ATP6V0A4: variants seen among roughly 807,000 people sequenced by gnomAD.
ATP6V0A4 encodes the protein V-type proton ATPase 116 kDa subunit a 4.
Under a neutral mutation model 107.3 loss-of-function variants are expected in ATP6V0A4, and 86 were observed. That is an observed-to-expected ratio of 0.80 (90% CI 0.67 to 0.96). ATP6V0A4 has a LOEUF of 0.96. Ranked by LOEUF, ATP6V0A4 falls within the 40% of genes least tolerant of loss-of-function variation. The pLI is 0.00. For missense variants in ATP6V0A4, 908 were observed against 1,045.6 expected, an observed-to-expected ratio of 0.87 and a Z score of 1.81; for synonymous variants, 353 against 381.4, an observed-to-expected ratio of 0.93 and a Z score of 0.87.
At chr7:138,796,787 C>G (rs1808687863) in intron 1 of ATP6V0A4, among the ~76,000 whole-genome samples, 1 of 125,236 alleles carries the variant, frequency 8.0e-6, no homozygotes, top group South Asian at 2.4e-4. Flanking sequence ...GGTTTGGTTC[C>G]CTGCTGCACT....
chr7:138,759,680 G>A, intron 8 of ATP6V0A4, 72 bp downstream of exon 8: 1 of 1,512,904 alleles, frequency 6.6e-7, no homozygotes, highest in Non-Finnish European at 9.2e-7. Flanking sequence ...CCCATGTTTT[G>A]GGAGAACGAA....
At chr7:138,728,903 G>A (rs1024043872) in intron 17 of ATP6V0A4, 41 bp from the exon 18 acceptor site, 2 of 1,613,222 alleles carry the variant, frequency 1.2e-6, no homozygotes, top group African/African-American at 2.7e-5. Context: ...TTTTCACATG[G>A]CAGAACAGCA....
At position 138,745,962 on chromosome 7, in the gene ATP6V0A4, A is replaced by ATATATAT. The variant is rs1195420210; in HGVS notation, c.1321-683_1321-682insATATATA. Reference sequence around the variant, plus strand: ...CTGTCTCAAAAAAAAAAAAAAAAAAAATATATATATATATATAAAATATAT... The same window carrying ATATATAT: ...CTGTCTCAAAAAAAAAAAAAAAAAAATATATATATATATATATATATATAAAATATAT... On this transcript the variant is annotated intron_variant, in intron 13 of 21. Transcript: ENST00000310018. Among the ~76,000 whole-genome samples, 41 of 65,632 alleles carry ATATATAT rather than the reference A, an allele frequency of 6.2e-4. 1 individual carries two copies. Among genetic ancestry groups the ATATATAT allele is most frequent in the African/African-American group, 2.2e-3 (33 of 14,934 alleles). 43.1% of individuals were successfully genotyped at this position (65,632 alleles called of 152,430 possible).
intron 17 of ATP6V0A4, 100 bp downstream of exon 17, chr7:138,732,777 G>C (rs1406381645): frequency 7.7e-6 from 10 of 1,296,198 alleles, no homozygotes; most frequent in Non-Finnish European, 1.1e-5. Flanking sequence ...CTGGGTGACA[G>C]AGCAAGACTC....
intron 7 of ATP6V0A4, among the ~76,000 whole-genome samples, chr7:138,761,290 C>T (rs1244031763): frequency 6.6e-6 from 1 of 151,930 alleles, no homozygotes; most frequent in East Asian, 1.9e-4. Flanking sequence ...TATGATTGCA[C>T]CTCTGCACTC....
intron 10 of ATP6V0A4, among the ~76,000 whole-genome samples, chr7:138,755,449 A>T (rs1411693754): frequency 6.6e-6 from 1 of 152,166 alleles, no homozygotes; most frequent in Non-Finnish European, 1.5e-5. Flanking sequence ...CTGAAGGCTG[A>T]CTAGGGCTGT....
intron 18 of ATP6V0A4, among the ~76,000 whole-genome samples, chr7:138,723,069 A>G (rs1212910301): frequency 1.3e-5 from 2 of 151,740 alleles, no homozygotes; most frequent in East Asian, 3.9e-4. Context: ...AAAAAAAAAA[A>G]AAAGAAAAAT....
At chr7:138,752,863 A>G in intron 10 of ATP6V0A4, 26 bp from the exon 11 acceptor site, 1 of 1,612,124 alleles carries the variant, frequency 6.2e-7, no homozygotes, top group Non-Finnish European at 8.5e-7. Flanking sequence ...CACACAGGAA[A>G]ACAGAGAACC....
chr7:138,708,979 C>T (rs1248767822), intron 21 of ATP6V0A4, among the ~76,000 whole-genome samples: 4 of 152,212 alleles, frequency 2.6e-5, no homozygotes, highest in East Asian at 1.9e-4. Flanking sequence ...GAGGCTGAGG[C>T]GGGTGAATCA....
intron 17 of ATP6V0A4, among the ~76,000 whole-genome samples, chr7:138,729,709 G>A (rs550154862): frequency 6.6e-6 from 1 of 152,344 alleles, no homozygotes; most frequent in Admixed American, 6.5e-5. Flanking sequence ...CTGCTGAGAA[G>A]GATTGAGAGC....
chr7:138,739,743 T>C lies in ATP6V0A4; in HGVS notation c.1479-110A>G, dbSNP rs1307674780. 3 of 1,536,718 alleles carry C rather than the reference T, an allele frequency of 2.0e-6. No individual in the cohort carries two copies. The African/African-American group carries it at 4.1e-5, about 21-fold the overall frequency. ...CATCAAAGTCCAACTACTGGTGCAA[T>C]TCATCACTTTGGTTGGTTCAATATC... On this transcript the variant is annotated intron_variant, in intron 14 of 21. Transcript: ENST00000310018.
intron 20 of ATP6V0A4, among the ~76,000 whole-genome samples, chr7:138,713,638 C>T (rs1208296617): frequency 6.6e-6 from 1 of 152,136 alleles, no homozygotes. Context: ...CCCAGAACCA[C>T]AGGAAGGCAT....
chr7:138,716,434 G>C lies in ATP6V0A4; in HGVS notation c.2140-553C>G, dbSNP rs183931482. On this transcript the variant is annotated intron_variant, in intron 19 of 21. Coordinates refer to ENST00000310018, the MANE Select transcript of ATP6V0A4 (RefSeq NM_020632.3). ...TCTGGTAGCATCATAGTTTAGAGAA[G>C]GGACAGCCTTAAAGAAAAAAAAAAA... 3.4e-3 allele frequency among the ~76,000 whole-genome samples: 487 copies of C among 144,766 alleles called. 3 individuals are homozygous for C. Among genetic ancestry groups the C allele is most frequent in the Non-Finnish European group, 4.4e-3 (294 of 66,114 alleles). 95.0% of individuals were successfully genotyped at this position (144,766 alleles called of 152,430 possible). A position where few individuals can be genotyped will look rare whatever the true frequency, so the allele number is the denominator to read the frequency against.
At chr7:138,731,017 T>A (rs940487424) in intron 17 of ATP6V0A4, among the ~76,000 whole-genome samples, 1 of 145,660 alleles carries the variant, frequency 6.9e-6, no homozygotes, top group Non-Finnish European at 1.5e-5. Flanking sequence ...CACTGCAACC[T>A]CTGCCTCTCA....
At chr7:138,777,728 G>A (rs1385346642) in intron 2 of ATP6V0A4, among the ~76,000 whole-genome samples, 2 of 151,232 alleles carry the variant, frequency 1.3e-5, no homozygotes, top group African/African-American at 2.4e-5. Flanking sequence ...TTCCCAACCA[G>A]TAAAAATAAA....
intron 3 of ATP6V0A4, 141 bp from the exon 4 acceptor site, chr7:138,769,392 G>A: frequency 7.6e-7 from 1 of 1,319,666 alleles, no homozygotes; most frequent in Non-Finnish European, 1.0e-6. Flanking sequence ...TCAGCTCACT[G>A]TAACCTCCAC....
intron 7 of ATP6V0A4, 140 bp from the exon 8 acceptor site, chr7:138,760,018 C>T (rs915771390): frequency 1.0e-5 from 15 of 1,484,378 alleles, no homozygotes; most frequent in Admixed American, 1.9e-5. Context: ...ACAGCTCTAC[C>T]GACATGAGTC....
At chr7:138,713,782 C>T (rs1431016978) in intron 20 of ATP6V0A4, among the ~76,000 whole-genome samples, 1 of 151,976 alleles carries the variant, frequency 6.6e-6, no homozygotes, top group African/African-American at 2.4e-5. Flanking sequence ...CACAGAGGGG[C>T]CCAGGGAGTA....
rs371112699 is a variant in ATP6V0A4 at position 138,773,076 on chromosome 7, C to G, written c.-17-1812G>C. 5.3e-5 allele frequency among the ~76,000 whole-genome samples: 8 copies of G among 152,176 alleles called. No homozygotes were observed. The highest frequency in any genetic ancestry group is 1.2e-4 in the Non-Finnish European group (8 of 68,018). ...ACCTTCTGGAAGAATTTCCACACCTCCAGAGTAGATTTAATTTTATCACGT... is the reference window on the plus strand; with the variant it reads ...ACCTTCTGGAAGAATTTCCACACCTGCAGAGTAGATTTAATTTTATCACGT... On this transcript the variant is annotated intron_variant, in intron 2 of 21. Coordinates refer to ENST00000310018, the MANE Select transcript of ATP6V0A4 (RefSeq NM_020632.3). This position sits in a 1 kb window ranked among gnomAD's most constrained non-coding sequence, Gnocchi z 5.4.
Sources: gnomAD v4.1 joint callset for allele counts (sites outside exome capture counted in the v4.1 genomes callset) on GRCh38, gnomAD v4.1.1 for gene constraint, Gnocchi (gnomAD v3.1) non-coding constraint, MANE v1.5 for transcripts, NCBI Gene and HGNC (gene_info 2026-07-23, HGNC 2026-07-21) for gene names.